The following PPM1F variants were observed in gnomAD, a reference collection of about 807,000 sequenced individuals.
PPM1F encodes the protein protein phosphatase 1F.
In PPM1F, 17 loss-of-function variants were observed where a neutral mutation model predicts 35.5. The ratio of observed to expected loss-of-function variants is 0.48; its 90% CI spans 0.33 to 0.72. The LOEUF is 0.72. PPM1F is among the 30% of genes least tolerant of loss of function. The pLI, the probability that PPM1F is intolerant of heterozygous loss-of-function variation, is 0.02. For missense variants in PPM1F, 521 were observed against 613.0 expected (o/e 0.85, Z 1.59); for synonymous variants, 241 against 255.5 (o/e 0.94, Z 0.54).
intron 6 of PPM1F, among the ~76,000 whole-genome samples, chr22:21,929,569 G>A (rs1308565323): frequency 6.6e-6 from 1 of 152,238 alleles, no homozygotes; most frequent in African/African-American, 2.4e-5. Context: ...AGGTGTGCAG[G>A]CAGCAGGTGG....
intron 3 of PPM1F, 121 bp from the exon 4 acceptor site, chr22:21,934,347 G>A: frequency 1.3e-6 from 1 of 760,264 alleles, no homozygotes; most frequent in Non-Finnish European, 2.1e-6. Flanking sequence ...GGGGCATTGT[G>A]AGCACATCAA....
chr22:21,938,152 A>G (rs2070681681), intron 3 of PPM1F: 7 of 1,302,974 alleles, frequency 5.4e-6, no homozygotes, highest in South Asian at 4.9e-5. Flanking sequence ...GGCCTGCAGG[A>G]GCCCCGAGCG....
intron 6 of PPM1F, chr22:21,926,094 T>C (rs529515598): frequency 1.1e-3 from 185 of 166,620 alleles, no homozygotes; most frequent in African/African-American, 4.4e-3. Context: ...CAGGGAAGCC[T>C]GAGCGAGGCC....
chr22:21,925,906 C>T (rs369310001), intron 6 of PPM1F: 15 of 430,462 alleles, frequency 3.5e-5, no homozygotes, highest in African/African-American at 1.0e-4. Flanking sequence ...CACCTGAGGC[C>T]GCCTAGCGGT....
At chr22:21,928,333 A>C (rs1301870663) in intron 6 of PPM1F, among the ~76,000 whole-genome samples, 3 of 152,048 alleles carry the variant, frequency 2.0e-5, no homozygotes, top group Admixed American at 6.5e-5. Flanking sequence ...CGGGACTCCT[A>C]TCTCTCCCAG....
chr22:21,938,682 C>G lies in PPM1F; in HGVS notation c.355+850G>C. On this transcript the variant is annotated intron_variant, in intron 3 of 7. Transcript: ENST00000263212. The stretch of plus-strand genomic sequence containing the variant: ...CAACTCTGCTGCCTGCTGGCCTGTC[C>G]AGGGACAACTATTCAGCTGGGTGGG... 7.0e-6 allele frequency: 6 copies of G among 857,278 alleles called. No homozygotes were observed. The South Asian group carries it at 2.6e-4, about 37-fold the overall frequency. The allele number at this position is 857,278 out of a possible 1,614,324, so 53.1% of individuals were successfully genotyped here. A position where few individuals can be genotyped will look rare whatever the true frequency, so the allele number is the denominator to read the frequency against.
chr22:21,935,892 G>A (rs951834499), intron 3 of PPM1F: 12 of 152,230 alleles, frequency 7.9e-5, no homozygotes, highest in South Asian at 2.1e-4. Context: ...AGCTACTTGG[G>A]AGGCTGAGGC....
At chr22:21,942,814 T>C (rs944633362) in intron 2 of PPM1F, 2 of 152,358 alleles carry the variant, frequency 1.3e-5, no homozygotes, top group African/African-American at 4.8e-5. Context: ...ACCATGCAGA[T>C]CCACCCTGAT....
intron 3 of PPM1F, chr22:21,938,666 T>A (rs945531024): frequency 1.0e-6 from 1 of 955,894 alleles, no homozygotes; most frequent in Non-Finnish European, 1.3e-6. Flanking sequence ...GCAACTCTGC[T>A]GCCTGCTGGC....
chr22:21,939,933 C>T lies in PPM1F; in HGVS notation c.207-253G>A, dbSNP rs954758604. ...GATGGGCAAGTAAACTGCCTGACAT[C>T]CATGCTGATGATGGCTCCTGGCCAC... On this transcript the variant is annotated intron_variant, in intron 2 of 7. Coordinates refer to ENST00000263212, the MANE Select transcript of PPM1F (RefSeq NM_014634.4). The surrounding 1 kb of genome is among the most constrained non-coding windows in gnomAD (Gnocchi z 5.1). Among the ~76,000 whole-genome samples, 1 of 152,176 alleles carries T rather than the reference C, an allele frequency of 6.6e-6. No individual in the cohort carries two copies. Among genetic ancestry groups the T allele is most frequent in the Non-Finnish European group, 1.5e-5 (1 of 68,024 alleles).
At chr22:21,927,316 C>A (rs1041271115) in intron 6 of PPM1F, among the ~76,000 whole-genome samples, 1 of 152,214 alleles carries the variant, frequency 6.6e-6, no homozygotes, top group East Asian at 1.9e-4. Context: ...CACACACACG[C>A]GTGAAGGCGC....
intron 1 of PPM1F, chr22:21,947,336 C>G (rs921419079): frequency 1.3e-5 from 2 of 152,500 alleles, no homozygotes; most frequent in Non-Finnish European, 2.9e-5. Flanking sequence ...TCTCCTGCCC[C>G]CTTCCTCTCG....
chr22:21,933,292 T>C (rs2070614683), intron 5 of PPM1F, 99 bp downstream of exon 5: 1 of 1,175,266 alleles, frequency 8.5e-7, no homozygotes. Flanking sequence ...AGTGAGGACC[T>C]TCCAGCACCA....
chr22:21,947,654 G>T (rs766716386), intron 1 of PPM1F: 7 of 152,284 alleles, frequency 4.6e-5, no homozygotes, highest in African/African-American at 1.4e-4. Context: ...AACGAAGAAG[G>T]CAAGGAGAAT....
Position 21,921,542 on chromosome 22 carries a change from C to G in PPM1F, c.*1550G>C, listed in dbSNP as rs1255167602. 1 of 152,312 alleles carries G rather than the reference C, an allele frequency of 6.6e-6. No individual in the cohort carries two copies. Among genetic ancestry groups the G allele is most frequent in the Non-Finnish European group, 1.5e-5 (1 of 68,118 alleles). 9.4% of individuals were successfully genotyped at this position (152,312 alleles called of 1,614,324 possible). A position where few individuals can be genotyped will look rare whatever the true frequency, so the allele number is the denominator to read the frequency against. ...TCCCTGAGGCACCCAGGATCGGTCA[C>G]TTGTGAGCCCCCTCTCAGGGTGCAC... On this transcript the variant is annotated 3_prime_UTR_variant, in exon 8 of 8. Transcript: ENST00000263212.
chr22:21,933,377 C>A lies in PPM1F; in HGVS notation c.747+14G>T. 6.3e-7 allele frequency: 1 copy of A among 1,589,822 alleles called. No homozygotes were observed. The highest frequency in any genetic ancestry group is 8.6e-7 in the Non-Finnish European group (1 of 1,165,816). On this transcript the variant is annotated intron_variant, in intron 5 of 7. Transcript: ENST00000263212. ...CCTCCAAACTGCACCTGAGGCCCAGCGGCCAGTCCTCACCTCTCGCTTGGC... is the reference window on the plus strand; with the variant it reads ...CCTCCAAACTGCACCTGAGGCCCAGAGGCCAGTCCTCACCTCTCGCTTGGC...
At chr22:21,952,074 G>C (rs1326327637) in intron 1 of PPM1F, 1 of 152,324 alleles carries the variant, frequency 6.6e-6, no homozygotes, top group African/African-American at 2.4e-5. Flanking sequence ...CTTCGAAGGA[G>C]CCCGCCACCA....
At chr22:21,929,060 G>A (rs1258740755) in intron 6 of PPM1F, among the ~76,000 whole-genome samples, 1 of 152,194 alleles carries the variant, frequency 6.6e-6, no homozygotes, top group Non-Finnish European at 1.5e-5. Flanking sequence ...ACGTACTCCT[G>A]GAAGCTGCTC....
At chr22:21,943,084 T>C (rs1376879975) in intron 2 of PPM1F, 2 of 152,286 alleles carry the variant, frequency 1.3e-5, no homozygotes, top group Non-Finnish European at 2.9e-5. Context: ...TAGCCCCCTG[T>C]GGACTGGATG....
Sources: allele counts gnomAD v4.1 joint callset (sites outside exome capture counted in the v4.1 genomes callset), GRCh38; gene constraint gnomAD v4.1.1; non-coding constraint Gnocchi (gnomAD v3.1); transcripts MANE v1.5; gene names NCBI Gene and HGNC (gene_info 2026-07-23, HGNC 2026-07-21).